Variants in LAMC1 observed in about 807,000 individuals in gnomAD.
LAMC1 encodes laminin subunit gamma 1.
A neutral mutation model predicts 173.6 loss-of-function variants in LAMC1; 38 were observed. That is an observed-to-expected ratio of 0.22 (90% confidence interval 0.17 to 0.29). LAMC1 has a LOEUF of 0.29. LAMC1 is among the 10% of genes least tolerant of loss of function. The probability of loss-of-function intolerance (pLI) is 1.00; values close to 1 mark genes in which losing one functional copy is unlikely to be tolerated. For missense variants in LAMC1, 1,824 were observed against 2,051.8 expected (o/e 0.89, Z 2.14); for synonymous variants, 746 against 749.1 (o/e 1.00, Z 0.07).
At chr1:183,066,861 AG>A (rs1330013546) in intron 1 of LAMC1, among the ~76,000 whole-genome samples, 1 of 152,158 alleles carries the variant, frequency 6.6e-6, no homozygotes, top group Non-Finnish European at 1.5e-5. Flanking sequence ...TGTAGATGAC[AG>A]GTTGATGGGT....
chr1:183,122,381 A>G, intron 13 of LAMC1, 130 bp downstream of exon 13: 1 of 813,902 alleles, frequency 1.2e-6, no homozygotes, highest in Non-Finnish European at 2.0e-6. Context: ...CCTAATAGGA[A>G]GCTGAGGCTC....
chr1:183,096,406 A>G (rs963183016), intron 1 of LAMC1: 5 of 152,174 alleles, frequency 3.3e-5, no homozygotes, highest in African/African-American at 7.2e-5. Flanking sequence ...TTCTAAAATG[A>G]TATCTTCTAT....
chr1:183,128,779 CT>C (rs775224458), intron 18 of LAMC1, 29 bp downstream of exon 18: 11 of 1,530,202 alleles, frequency 7.2e-6, no homozygotes, highest in Non-Finnish European at 9.7e-6. Flanking sequence ...TGCATGACTT[CT>C]GTGAGATGGA....
intron 9 of LAMC1, 23 bp downstream of exon 9, chr1:183,117,465 C>T: frequency 6.2e-7 from 1 of 1,610,528 alleles, no homozygotes; most frequent in Non-Finnish European, 8.5e-7. Flanking sequence ...AGAAAGCAGT[C>T]TGACCTGCTG....
chr1:183,088,305 T>C (rs1655484521), intron 1 of LAMC1, among the ~76,000 whole-genome samples: 1 of 152,216 alleles, frequency 6.6e-6, no homozygotes, highest in Admixed American at 6.5e-5. Flanking sequence ...TAAATAAATA[T>C]TTATTGAGCA....
intron 1 of LAMC1, among the ~76,000 whole-genome samples, chr1:183,040,952 T>TA (rs769944168): frequency 6.6e-6 from 1 of 152,186 alleles, no homozygotes; most frequent in Non-Finnish European, 1.5e-5. Context: ...GATATGACTA[T>TA]AGAAGATCAA....
intron 1 of LAMC1, among the ~76,000 whole-genome samples, chr1:183,043,804 G>C (rs1274083984): frequency 6.6e-6 from 1 of 152,020 alleles, no homozygotes; most frequent in Admixed American, 6.6e-5. Flanking sequence ...TTTTAGAAAG[G>C]CAATGTCATT....
intron 2 of LAMC1, among the ~76,000 whole-genome samples, chr1:183,105,493 A>G (rs552600800): frequency 6.6e-6 from 1 of 152,266 alleles, no homozygotes; most frequent in African/African-American, 2.4e-5. Context: ...TGCTAACTGT[A>G]CACCCAGTCA....
At position 183,142,665 on chromosome 1, in the gene LAMC1, G is replaced by A. The variant is rs569386150; in HGVS notation, c.4705G>A (p.Glu1569Lys). 1 of 1,614,126 alleles carries A rather than the reference G, an allele frequency of 6.2e-7. No individual in the cohort carries two copies. The highest frequency in any genetic ancestry group is 1.3e-5 in the African/African-American group (1 of 75,054). Residue 1569 changes from glutamate to lysine, a missense_variant, in exon 28 of 28, where the codon GAG becomes AAG. Glu to Lys is a moderately conservative substitution (Grantham distance 56). Coordinates refer to ENST00000258341, the MANE Select transcript of LAMC1 (RefSeq NM_002293.4). ...SDLENEAKKQ[E>K]AAIMDYNRDI... The stretch of plus-strand genomic sequence containing the variant: ...CCTGGAGAATGAAGCCAAGAAGCAG[G>A]AGGCTGCCATCATGGACTATAACCG...
chr1:183,114,413 T>C lies in LAMC1; in HGVS notation c.1022-118T>C, dbSNP rs16860208. The C allele has an allele frequency of 6.8e-3, 6,823 of 1,007,186 alleles. 237 individuals carry two copies. In the African/African-American group the frequency reaches 0.085, roughly 13 times the overall value. 62.4% of individuals were successfully genotyped at this position (1,007,186 alleles called of 1,614,324 possible). ...GAACAGTGCATCTGGTAATCATTCT[T>C]AGTCTACCACCATCTGTCTGTCTCA... On this transcript the variant is annotated intron_variant, in intron 4 of 27. Transcript: ENST00000258341.
At chr1:183,086,390 A>G (rs1178278639) in intron 1 of LAMC1, among the ~76,000 whole-genome samples, 2 of 152,186 alleles carry the variant, frequency 1.3e-5, no homozygotes, top group African/African-American at 4.8e-5. Context: ...AGGTATTCAG[A>G]CATTTACCTT....
intron 11 of LAMC1, among the ~76,000 whole-genome samples, chr1:183,121,077 G>A (rs890520855): frequency 6.6e-6 from 1 of 151,966 alleles, no homozygotes; most frequent in African/African-American, 2.4e-5. Flanking sequence ...ACATTGGTGG[G>A]GACTGTAAAA....
chr1:183,131,431 GT>G, intron 20 of LAMC1, 53 bp downstream of exon 20: 19 of 825,870 alleles, frequency 2.3e-5, no homozygotes, highest in Non-Finnish European at 3.6e-5. Context: ...GTTATGGGGT[GT>G]GTGTGTGTGT....
intron 1 of LAMC1, among the ~76,000 whole-genome samples, chr1:183,066,503 C>G (rs947322802): frequency 1.3e-5 from 2 of 152,178 alleles, no homozygotes; most frequent in Non-Finnish European, 2.9e-5. Context: ...GACACATGCA[C>G]ACATACGTTT....
chr1:183,142,521 T>G lies in LAMC1; in HGVS notation c.4574-13T>G, dbSNP rs1558063312. ...TATGTCTGTTCTCTTCTATGTACTT[T>G]CTGACCCTCCAGGGCAGCTGGATAC... On this transcript the variant is annotated splice_polypyrimidine_tract_variant and intron_variant, in intron 27 of 27. Coordinates refer to ENST00000258341, the MANE Select transcript of LAMC1 (RefSeq NM_002293.4). 1.8e-5 allele frequency: 29 copies of G among 1,598,994 alleles called. No individual in the cohort carries two copies. Among genetic ancestry groups the G allele is most frequent in the Non-Finnish European group, 2.5e-5 (29 of 1,173,656 alleles).
rs1028680690 is a variant in LAMC1 at position 183,136,633 on chromosome 1, G to A, written c.4314+48G>A. The A allele has an allele frequency of 3.4e-6, 5 of 1,485,194 alleles. No homozygotes were observed. In the South Asian group the frequency reaches 6.2e-5, roughly 18 times the overall value. 92.0% of individuals were successfully genotyped at this position (1,485,194 alleles called of 1,614,324 possible). A position where few individuals can be genotyped will look rare whatever the true frequency, so the allele number is the denominator to read the frequency against. On this transcript the variant is annotated intron_variant, in intron 25 of 27. Transcript: ENST00000258341. ...GAGTCCCTGCCCATATCTTTCTCTG[G>A]TCACTTTCCAGTTTCTTTCCAGACC...
At position 183,128,599 on chromosome 1, in the gene LAMC1, T is replaced by C; in HGVS notation, c.3129T>C (p.Ala1043=). The change falls in exon 18 of 28, where the codon GCT becomes GCC. Residue 1043 remains alanine, a synonymous_variant. Coordinates refer to ENST00000258341, the MANE Select transcript of LAMC1 (RefSeq NM_002293.4). ...TCTTTCTTCTTTATGTTTAGGTTGC[T>C]GATCATAGAGTGAAGCTCCAGGAAT... ...ACYRLVKDKV[A]DHRVKLQELE... 2 of 1,606,358 alleles carry C rather than the reference T, an allele frequency of 1.2e-6. No individual in the cohort carries two copies. The highest frequency in any genetic ancestry group is 1.7e-6 in the Non-Finnish European group (2 of 1,175,250).
At chr1:183,066,816 G>C (rs1414286596) in intron 1 of LAMC1, among the ~76,000 whole-genome samples, 1 of 152,136 alleles carries the variant, frequency 6.6e-6, no homozygotes, top group Non-Finnish European at 1.5e-5. Context: ...GGGGTTGGGG[G>C]CTAGGGAAGG....
chr1:183,043,188 G>T (rs1211234586), intron 1 of LAMC1, among the ~76,000 whole-genome samples: 5 of 152,100 alleles, frequency 3.3e-5, no homozygotes, highest in Non-Finnish European at 1.5e-5. Flanking sequence ...TGATCTAGTA[G>T]ATTTAGGAAG....
Sources: allele counts gnomAD v4.1 joint callset (sites outside exome capture counted in the v4.1 genomes callset), GRCh38; gene constraint gnomAD v4.1.1; transcripts MANE v1.5; gene names NCBI Gene and HGNC (gene_info 2026-07-23, HGNC 2026-07-21).